The following PDE10A variants were observed in gnomAD, a reference collection of about 807,000 sequenced individuals.
PDE10A encodes phosphodiesterase 10A.
In PDE10A, 39 loss-of-function variants were observed where a neutral mutation model predicts 97.7. The ratio of observed to expected loss-of-function variants is 0.40; its 90% CI spans 0.31 to 0.52. The LOEUF (loss-of-function observed/expected upper bound fraction) is 0.52, where lower values mean the gene tolerates loss of function less well. PDE10A is among the 20% of genes least tolerant of loss of function. The probability of loss-of-function intolerance (pLI) is 0.56; values close to 1 mark genes in which losing one functional copy is unlikely to be tolerated. For synonymous variants in PDE10A, 371 were observed against 376.8 expected, an observed-to-expected ratio of 0.98 and a Z score of 0.18; for missense variants, 731 against 1,047.8, an observed-to-expected ratio of 0.70 and a Z score of 4.17.
chr6:165,571,428 C>G (rs1171364823), intron 1 of PDE10A, among the ~76,000 whole-genome samples: 1 of 152,206 alleles, frequency 6.6e-6, no homozygotes, highest in Non-Finnish European at 1.5e-5. Flanking sequence ...CAATGAGATA[C>G]TCTAAACATT....
chr6:165,860,271 T>C (rs1583201275), intron 1 of PDE10A, among the ~76,000 whole-genome samples: 1 of 152,168 alleles, frequency 6.6e-6, no homozygotes, highest in Non-Finnish European at 1.5e-5. Context: ...CTGACCAACA[T>C]GGAGAAACCC....
chr6:165,898,176 G>A lies in PDE10A; in HGVS notation c.-615+89353C>T, dbSNP rs571342344. Among the ~76,000 whole-genome samples, 27 of 151,912 alleles carry A rather than the reference G, an allele frequency of 1.8e-4. No individual in the cohort carries two copies. In the South Asian group the frequency reaches 2.3e-3, roughly 13 times the overall value. ...CTTACTGCTGTGCCCAGATCCCCCCGCTGCCTCCCATCTCCTTCACAGCGA... is the reference window on the plus strand; with the variant it reads ...CTTACTGCTGTGCCCAGATCCCCCCACTGCCTCCCATCTCCTTCACAGCGA... On this transcript the variant is annotated intron_variant, in intron 1 of 19. Coordinates refer to the PDE10A transcript ENST00000366882.
intron 1 of PDE10A, among the ~76,000 whole-genome samples, chr6:165,784,061 T>TA (rs1192294825): frequency 6.6e-6 from 1 of 151,440 alleles, no homozygotes; most frequent in East Asian, 1.9e-4. Context: ...CTACTAAAAA[T>TA]AAAAAAATTA....
chr6:165,936,923 C>T (rs892551457), intron 1 of PDE10A, among the ~76,000 whole-genome samples: 2 of 152,210 alleles, frequency 1.3e-5, no homozygotes, highest in African/African-American at 4.8e-5. Flanking sequence ...AAAGAATGTG[C>T]AGGTGGAATA....
chr6:165,752,482 G>A (rs531359199), intron 1 of PDE10A, among the ~76,000 whole-genome samples: 1 of 152,246 alleles, frequency 6.6e-6, no homozygotes, highest in South Asian at 2.1e-4. Context: ...TAAAGCACAA[G>A]ATTTTGAGAT....
At chr6:165,374,691 G>A (rs1162955372) in intron 18 of PDE10A, among the ~76,000 whole-genome samples, 1 of 150,558 alleles carries the variant, frequency 6.6e-6, no homozygotes, top group Non-Finnish European at 1.5e-5. Flanking sequence ...GGCAATATAT[G>A]TTCCAGGCAT....
At chr6:165,768,097 T>G (rs1777912862) in intron 1 of PDE10A, among the ~76,000 whole-genome samples, 1 of 152,256 alleles carries the variant, frequency 6.6e-6, no homozygotes, top group South Asian at 2.1e-4. Context: ...GAGAAATGTC[T>G]ATTCAGATCC....
intron 19 of PDE10A, among the ~76,000 whole-genome samples, chr6:165,342,752 G>A (rs1782048337): frequency 6.6e-6 from 1 of 152,216 alleles, no homozygotes; most frequent in Admixed American, 6.5e-5. Flanking sequence ...TGACTCATTT[G>A]GATGGGAGAA....
At chr6:165,806,757 T>C (rs1378520915) in intron 1 of PDE10A, among the ~76,000 whole-genome samples, 1 of 152,026 alleles carries the variant, frequency 6.6e-6, no homozygotes, top group East Asian at 1.9e-4. Flanking sequence ...CTTTAAATAG[T>C]GTGAACACAG....
intron 1 of PDE10A, among the ~76,000 whole-genome samples, chr6:165,763,988 G>A (rs926911090): frequency 1.1e-4 from 17 of 152,186 alleles, no homozygotes; most frequent in African/African-American, 3.9e-4. Context: ...TGAAGAAACG[G>A]GTTTGAGATC....
intron 18 of PDE10A, among the ~76,000 whole-genome samples, chr6:165,373,731 G>A (rs1784420578): frequency 6.6e-6 from 1 of 152,070 alleles, no homozygotes; most frequent in Non-Finnish European, 1.5e-5. Flanking sequence ...CCATTACTGG[G>A]TATATACCCA....
At chr6:165,351,460 A>G (rs1782691129) in intron 18 of PDE10A, among the ~76,000 whole-genome samples, 2 of 152,232 alleles carry the variant, frequency 1.3e-5, no homozygotes. Context: ...AAAAAATGCC[A>G]ACAATCAAAG....
At chr6:165,341,457 C>G (rs1172792910) in intron 19 of PDE10A, among the ~76,000 whole-genome samples, 3 of 152,196 alleles carry the variant, frequency 2.0e-5, no homozygotes, top group Non-Finnish European at 4.4e-5. Flanking sequence ...ATGCCTTTCT[C>G]ATAGCAATCC....
At chr6:165,943,215 GAAAGAAAGAAA>G (rs1562809637) in intron 1 of PDE10A, among the ~76,000 whole-genome samples, 28 of 76,482 alleles carry the variant, frequency 3.7e-4, no homozygotes, top group Non-Finnish European at 4.7e-4. Flanking sequence ...AAGAAAGAAA[GAAAGAAAGAAA>G]GAAAGAAAGA....
At chr6:165,860,586 TCA>T (rs1247106871) in intron 1 of PDE10A, among the ~76,000 whole-genome samples, 3 of 152,358 alleles carry the variant, frequency 2.0e-5, no homozygotes, top group African/African-American at 7.2e-5. Flanking sequence ...GTCAGAACAC[TCA>T]CAGTTTTCAC....
chr6:165,592,141 A>C (rs1328389982), intron 1 of PDE10A, among the ~76,000 whole-genome samples: 1 of 152,232 alleles, frequency 6.6e-6, no homozygotes, highest in Non-Finnish European at 1.5e-5. Flanking sequence ...CAGAGGCCTC[A>C]GAAATAACGC....
At chr6:165,500,287 A>G (rs1370862441) in intron 2 of PDE10A, among the ~76,000 whole-genome samples, 1 of 152,156 alleles carries the variant, frequency 6.6e-6, no homozygotes, top group Non-Finnish European at 1.5e-5. Flanking sequence ...TTGTGCAGAA[A>G]AGAGAGAGAG....
chr6:165,549,467 G>T (rs960297801), intron 1 of PDE10A, among the ~76,000 whole-genome samples: 1 of 152,108 alleles, frequency 6.6e-6, no homozygotes, highest in African/African-American at 2.4e-5. Context: ...TGGGACTACA[G>T]GTACCTGCCA....
intron 1 of PDE10A, among the ~76,000 whole-genome samples, chr6:165,917,886 A>T (rs1287499254): frequency 1.3e-5 from 2 of 152,148 alleles, no homozygotes; most frequent in Non-Finnish European, 2.9e-5. Context: ...TTTCTTGCTG[A>T]GTCCCCGAGT....
Sources: gnomAD v4.1 joint callset for allele counts (sites outside exome capture counted in the v4.1 genomes callset) on GRCh38, gnomAD v4.1.1 for gene constraint, MANE v1.5 for transcripts, NCBI Gene and HGNC (gene_info 2026-07-23, HGNC 2026-07-21) for gene names.